The following ARMCX4 variants were observed in gnomAD, a reference collection of about 807,000 sequenced individuals.
ARMCX4 encodes the protein armadillo repeat containing X-linked 4, also known as armadillo repeat-containing X-linked protein 4.
In ARMCX4, 3 loss-of-function variants were observed where a neutral mutation model predicts 34.7. The observed-to-expected ratio is 0.09, with a 90% CI of 0.04 to 0.22. The LOEUF (loss-of-function observed/expected upper bound fraction) is 0.22, where lower values mean the gene tolerates loss of function less well. Among genes scored for constraint, ARMCX4 ranks in the 10% least tolerant of loss-of-function variants. The pLI, the probability that ARMCX4 is intolerant of heterozygous loss-of-function variation, is 1.00. For synonymous variants in ARMCX4, 513 were observed against 632.8 expected (o/e 0.81, Z 2.84); for missense variants, 1,448 against 1,720.8 (o/e 0.84, Z 2.81).
chrX:101,433,984 C>T (rs1258639595), intron 2 of ARMCX4, among the ~76,000 whole-genome samples: 5 of 107,140 alleles, frequency 4.7e-5, no homozygotes, highest in African/African-American at 6.8e-5. Flanking sequence ...CTGGCTCTGT[C>T]GCCCAGGCTG....
chrX:101,493,589 G>A lies in ARMCX4; in HGVS notation c.5000G>A (p.Cys1667Tyr). The change falls in exon 6 of 6, where the codon TGT (cysteine) becomes TAT (tyrosine). Residue 1667 changes from cysteine (C) to tyrosine (Y), a missense_variant. Transcript: ENST00000423738. ...AAGCCTGAATTTGAGGATCAGGCTTGTGGAGGAGGCTCCTGGGCTGGTGCT... is the reference window on the plus strand; with the variant it reads ...AAGCCTGAATTTGAGGATCAGGCTTATGGAGGAGGCTCCTGGGCTGGTGCT... ...CSKPEFEDQA[C>Y]GGGSWAGAGS... 1 of 1,154,327 alleles carries A rather than the reference G, an allele frequency of 8.7e-7. No individual in the cohort carries two copies. Among genetic ancestry groups the A allele is most frequent in the Non-Finnish European group, 1.1e-6 (1 of 872,375 alleles).
At chrX:101,525,055 T>A (rs950426197) in intron 11 of ARMCX4, among the ~76,000 whole-genome samples, 11 of 111,623 alleles carry the variant, frequency 9.9e-5, no homozygotes, top group Admixed American at 3.8e-4. Flanking sequence ...AGGGGCCGAC[T>A]GACACCTCAT....
rs75135059 is a variant in ARMCX4, at chrX:101,438,611, C to G, written n.165-5441C>G. ...TTATATTGTGTGGGAGTCTAAGTCT[C>G]TTTATAGGTCTCTGAGGACTTGCTT... On this transcript the variant is annotated intron_variant and non_coding_transcript_variant, in intron 2 of 3. Transcript: ENST00000430461. Among the ~76,000 whole-genome samples the G allele has an allele frequency of 2.7e-5, 3 of 111,140 alleles. No homozygotes were observed. The East Asian group carries it at 8.5e-4, about 31-fold the overall frequency.
intron 2 of ARMCX4, among the ~76,000 whole-genome samples, chrX:101,436,816 C>A (rs1373826754): frequency 2.7e-5 from 3 of 111,469 alleles, no homozygotes; most frequent in Non-Finnish European, 3.8e-5. Context: ...TGAGATACGT[C>A]CCATCAATAC....
At position 101,495,059 on chromosome X, in the gene ARMCX4, A is replaced by G. The variant is rs1934147492; in HGVS notation, c.6470A>G (p.Tyr2157Cys). ...LIRHLTITSE[Y>C]QHMVTNYISE... ...AGGCATCTGACTATTACCAGTGAAT[A>G]TCAGCATATGGTTACAAATTATATT... Residue 2157 changes from tyrosine (Y) to cysteine (C), a missense_variant, in exon 6 of 6, where the codon TAT becomes TGT. Tyr to Cys is a radical substitution (Grantham distance 194). This residue lies in a region of ARMCX4 where 105 missense variants were observed against 180.2 expected (regional missense o/e 0.58). Transcript: ENST00000423738. 8.7e-7 allele frequency: 1 copy of G among 1,152,685 alleles called. No homozygotes were observed. Among genetic ancestry groups the G allele is most frequent in the African/African-American group, 1.8e-5 (1 of 56,373 alleles). The allele number at this position is 1,152,685 out of a possible 1,213,427, so 95.0% of individuals were successfully genotyped here.
intron 2 of ARMCX4, among the ~76,000 whole-genome samples, chrX:101,433,173 T>C (rs1930364407): frequency 1.0e-5 from 1 of 98,823 alleles, no homozygotes; most frequent in Admixed American, 1.1e-4. Context: ...TACATACATG[T>C]GTATATACAC....
chrX:101,435,825 G>T (rs1477094514), intron 2 of ARMCX4, among the ~76,000 whole-genome samples: 1 of 110,722 alleles, frequency 9.0e-6, no homozygotes, highest in Non-Finnish European at 1.9e-5. Flanking sequence ...TTTGTGTAAG[G>T]TGTAAGGAAG....
intron 2 of ARMCX4, among the ~76,000 whole-genome samples, chrX:101,432,554 G>A (rs187060745): frequency 1.0e-3 from 109 of 109,175 alleles, no homozygotes; most frequent in Admixed American, 5.9e-3. Flanking sequence ...CTAGCTACTC[G>A]GGAGGCTGAG....
chrX:101,446,925 G>T (rs782526767), downstream of ARMCX4, among the ~76,000 whole-genome samples: 1 of 105,706 alleles, frequency 9.5e-6, no homozygotes, highest in East Asian at 2.9e-4. Flanking sequence ...CTGCACTCCA[G>T]CCTAGGCGAC....
In ARMCX4 at chrX:101,488,031, G is replaced by A; in HGVS notation, c.-202-13G>A. ...AGGTCCAGAGATCTCATGAATTTAT[G>A]TATCTACTTTAGGGTGTACTGCCAA... On this transcript the variant is annotated splice_polypyrimidine_tract_variant and intron_variant, in intron 4 of 5. Coordinates refer to ENST00000423738, the MANE Select transcript of ARMCX4 (RefSeq NM_001256155.3). The A allele has an allele frequency of 1.1e-6, 1 of 915,043 alleles. No individual in the cohort carries two copies. The allele number at this position is 915,043 out of a possible 1,213,427, so 75.4% of individuals were successfully genotyped here.
chrX:101,424,564 A>C (rs1555990616), intron 2 of ARMCX4, among the ~76,000 whole-genome samples: 1 of 111,669 alleles, frequency 9.0e-6, no homozygotes, highest in Non-Finnish European at 1.9e-5. Context: ...AACTGAATTC[A>C]ATTAGAGGAC....
chrX:101,492,073 A>G lies in ARMCX4; in HGVS notation c.3484A>G (p.Ser1162Gly). The change falls in exon 6 of 6, where the codon AGT becomes GGT. Residue 1162 changes from serine to glycine, a missense_variant. Coordinates refer to ENST00000423738, the MANE Select transcript of ARMCX4 (RefSeq NM_001256155.3). ...TTGGGCTGTGGCTTGTGATGAGACC[A>G]GTGTTAAGTCCTGGGCTGGGGCCAG... Reference protein sequence around the residue: ...RSWAVACDETSVKSWAGARAE... With the variant: ...RSWAVACDETGVKSWAGARAE... 8.7e-7 allele frequency: 1 copy of G among 1,152,691 alleles called. No individual in the cohort carries two copies. The highest frequency in any genetic ancestry group is 1.1e-6 in the Non-Finnish European group (1 of 870,966). 95.0% of individuals were successfully genotyped at this position (1,152,691 alleles called of 1,213,427 possible).
intron 11 of ARMCX4, among the ~76,000 whole-genome samples, chrX:101,515,431 C>T (rs370447082): frequency 6.2e-5 from 2 of 32,342 alleles, no homozygotes; most frequent in Non-Finnish European, 1.1e-4. Context: ...TCCTTCCTTC[C>T]TTCCTTCCTT....
At chrX:101,447,172 G>A (rs1412674516), downstream of ARMCX4, among the ~76,000 whole-genome samples, 1 of 112,119 alleles carries the variant, frequency 8.9e-6, no homozygotes, top group Non-Finnish European at 1.9e-5. Context: ...AAGCTGTGAT[G>A]TCTTTTATGA....
At chrX:101,514,834 G>A (rs1934671849) in intron 11 of ARMCX4, among the ~76,000 whole-genome samples, 1 of 111,781 alleles carries the variant, frequency 8.9e-6, no homozygotes, top group Non-Finnish European at 1.9e-5. Context: ...TCCTTAGACA[G>A]GGATGGAAGG....
At chrX:101,421,203 CAA>C (rs545262345) in intron 2 of ARMCX4, among the ~76,000 whole-genome samples, 16 of 39,167 alleles carry the variant, frequency 4.1e-4, no homozygotes, top group African/African-American at 1.0e-3. Context: ...AACTCTGTCT[CAA>C]AAAAAAAAAA....
intron 11 of ARMCX4, among the ~76,000 whole-genome samples, chrX:101,522,408 C>T (rs1477685168): frequency 4.5e-5 from 5 of 111,853 alleles, no homozygotes; most frequent in African/African-American, 1.6e-4. Flanking sequence ...TTATAGACAG[C>T]ATATGGTTGG....
intron 2 of ARMCX4, among the ~76,000 whole-genome samples, chrX:101,432,919 C>T (rs1415221895): frequency 1.2e-5 from 1 of 86,461 alleles, no homozygotes; most frequent in Non-Finnish European, 2.3e-5. Context: ...CACACGTATA[C>T]ATACGTATAT....
chrX:101,490,401 C>T lies in ARMCX4; in HGVS notation c.1812C>T (p.Ala604=). 4 of 1,154,811 alleles carry T rather than the reference C, an allele frequency of 3.5e-6. No homozygotes were observed. The highest frequency in any genetic ancestry group is 4.6e-6 in the Non-Finnish European group (4 of 872,537). The stretch of plus-strand genomic sequence containing the variant: ...CCCAGGGTGAGGCCTTGCCTGGTGC[C>T]AAGAATAAAGTCAAGGGCAATCCCC... ...ANPQGEALPG[A]KNKVKGNPHT... The change falls in exon 6 of 6, where the codon GCC becomes GCT. Residue 604 remains alanine (A), a synonymous_variant. Transcript: ENST00000423738.
Sources: allele counts gnomAD v4.1 joint callset (sites outside exome capture counted in the v4.1 genomes callset), GRCh38; gene constraint gnomAD v4.1.1; regional missense constraint gnomAD v4.1.1; transcripts MANE v1.5; gene names NCBI Gene and HGNC (gene_info 2026-07-23, HGNC 2026-07-21).